Variants in PPP1R9A observed in about 807,000 individuals in gnomAD.
PPP1R9A encodes the protein neurabin-1.
Under a neutral mutation model 141.9 loss-of-function variants are expected in PPP1R9A, and 59 were observed. The ratio of observed to expected loss-of-function variants is 0.42; its 90% CI spans 0.34 to 0.52. The LOEUF is 0.52. Ranked by LOEUF, PPP1R9A falls within the 20% of genes least tolerant of loss-of-function variation. PPP1R9A has a pLI of 0.10. For synonymous variants in PPP1R9A, 500 were observed against 569.7 expected, an observed-to-expected ratio of 0.88 and a Z score of 1.74; for missense variants, 1,444 against 1,611.9, an observed-to-expected ratio of 0.90 and a Z score of 1.78.
chr7:95,067,137 G>C (rs1006445833), intron 2 of PPP1R9A, among the ~76,000 whole-genome samples: 1 of 152,224 alleles, frequency 6.6e-6, no homozygotes, highest in Non-Finnish European at 1.5e-5. Flanking sequence ...TATACATACA[G>C]TGTCTTAAAG....
chr7:95,296,250 G>T lies in PPP1R9A; in HGVS notation c.*5947G>T, dbSNP rs1236388584. ...GACATTCCTTACTCTTTGGTTTTCA[G>T]AGGCATTCAAGCAAAATATCACAGT... On this transcript the variant is annotated 3_prime_UTR_variant, in exon 20 of 20. Coordinates refer to ENST00000433360, the MANE Select transcript of PPP1R9A (RefSeq NM_001166160.2). 1 of 152,600 alleles carries T rather than the reference G, an allele frequency of 6.6e-6. No individual in the cohort carries two copies. Among genetic ancestry groups the T allele is most frequent in the Non-Finnish European group, 1.5e-5 (1 of 68,022 alleles). 9.5% of individuals were successfully genotyped at this position (152,600 alleles called of 1,614,324 possible).
intron 2 of PPP1R9A, among the ~76,000 whole-genome samples, chr7:95,072,858 TATATA>T (rs1335463566): frequency 3.4e-4 from 37 of 107,560 alleles, no homozygotes; most frequent in East Asian, 1.1e-3. Flanking sequence ...TAATATAAGT[TATATA>T]ATATAATATA....
chr7:95,018,307 A>G (rs145518641), intron 2 of PPP1R9A: 4 of 230,380 alleles, frequency 1.7e-5, no homozygotes, highest in Non-Finnish European at 4.0e-5. Context: ...TCTTGCCAAC[A>G]ATCATTAAAT....
At chr7:95,266,681 T>C (rs1311147012) in intron 12 of PPP1R9A, among the ~76,000 whole-genome samples, 1 of 152,022 alleles carries the variant, frequency 6.6e-6, no homozygotes, top group African/African-American at 2.4e-5. Context: ...TGAGATAGAG[T>C]ATGTGGCATG....
chr7:94,910,031 G>C lies in PPP1R9A; in HGVS notation c.-83G>C. ...AGGTACTTTTCTTGACCCAATACTG[G>C]TGATTAGAGAAGAGAGGTATCTTGG... On this transcript the variant is annotated 5_prime_UTR_variant, in exon 2 of 20. Transcript: ENST00000433360. This position sits in a 1 kb window ranked among gnomAD's most constrained non-coding sequence, Gnocchi z 4.5. The C allele has an allele frequency of 8.2e-7, 1 of 1,223,148 alleles. No homozygotes were observed. Among genetic ancestry groups the C allele is most frequent in the South Asian group, 1.5e-5 (1 of 67,540 alleles). The allele number at this position is 1,223,148 out of a possible 1,614,324, so 75.8% of individuals were successfully genotyped here. A position where few individuals can be genotyped will look rare whatever the true frequency, so the allele number is the denominator to read the frequency against.
chr7:95,220,682 A>G (rs1336655895), intron 7 of PPP1R9A, among the ~76,000 whole-genome samples: 1 of 152,132 alleles, frequency 6.6e-6, no homozygotes, highest in Non-Finnish European at 1.5e-5. Context: ...GCAGGGATAA[A>G]TTGTACCTGG....
intron 2 of PPP1R9A, among the ~76,000 whole-genome samples, chr7:94,944,092 T>C (rs1037793525): frequency 1.3e-5 from 2 of 152,190 alleles, no homozygotes; most frequent in Non-Finnish European, 2.9e-5. Flanking sequence ...ATACAATCCC[T>C]AGTGATCAAA....
chr7:95,226,643 T>G (rs959920323), intron 8 of PPP1R9A, among the ~76,000 whole-genome samples: 6 of 152,152 alleles, frequency 3.9e-5, no homozygotes, highest in Non-Finnish European at 8.8e-5. Context: ...CATCTGCAGC[T>G]TTATAAGATG....
At chr7:95,224,811 A>G (rs1425433599) in intron 7 of PPP1R9A, among the ~76,000 whole-genome samples, 1 of 152,082 alleles carries the variant, frequency 6.6e-6, no homozygotes, top group Non-Finnish European at 1.5e-5. Flanking sequence ...CTATTTACTC[A>G]AAGGAATAGA....
intron 9 of PPP1R9A, 106 bp downstream of exon 9, chr7:95,247,632 T>C (rs549945452): frequency 1.1e-6 from 1 of 937,920 alleles, no homozygotes; most frequent in Non-Finnish European, 1.6e-6. Flanking sequence ...TTTGAAAGAA[T>C]GCAAATGTGA....
chr7:94,950,887 A>G (rs1796393749), intron 2 of PPP1R9A, among the ~76,000 whole-genome samples: 1 of 152,034 alleles, frequency 6.6e-6, no homozygotes, highest in East Asian at 1.9e-4. Flanking sequence ...AGTTGGGGCC[A>G]CAGGCATGTG....
chr7:95,127,713 T>G (rs902018264), intron 4 of PPP1R9A, among the ~76,000 whole-genome samples: 1 of 152,130 alleles, frequency 6.6e-6, no homozygotes, highest in Non-Finnish European at 1.5e-5. Flanking sequence ...TGTTGCCATC[T>G]TTATGTCCAT....
chr7:95,185,219 G>A (rs1000223747), intron 5 of PPP1R9A, among the ~76,000 whole-genome samples: 1 of 151,534 alleles, frequency 6.6e-6, no homozygotes, highest in African/African-American at 2.4e-5. Flanking sequence ...TTTAATTATG[G>A]CCATTCTTTC....
intron 2 of PPP1R9A, among the ~76,000 whole-genome samples, chr7:95,046,143 A>G (rs1327541353): frequency 2.0e-5 from 3 of 151,312 alleles, no homozygotes; most frequent in Non-Finnish European, 4.4e-5. Context: ...CAATGGCACA[A>G]TCTCGGTTCC....
chr7:95,153,950 A>T (rs1253898305), intron 4 of PPP1R9A, among the ~76,000 whole-genome samples: 1 of 152,044 alleles, frequency 6.6e-6, no homozygotes, highest in Non-Finnish European at 1.5e-5. Flanking sequence ...ATAGTCTTTG[A>T]TGAACTTTTG....
chr7:95,061,044 T>G (rs1223322809), intron 2 of PPP1R9A, among the ~76,000 whole-genome samples: 1 of 152,186 alleles, frequency 6.6e-6, no homozygotes, highest in Non-Finnish European at 1.5e-5. Flanking sequence ...AGTACATAAA[T>G]AGAACATTAC....
chr7:94,992,790 TTAAA>T (rs1266202078), intron 2 of PPP1R9A, among the ~76,000 whole-genome samples: 4 of 152,196 alleles, frequency 2.6e-5, no homozygotes, highest in African/African-American at 4.8e-5. Context: ...AAAAATTTGC[TTAAA>T]TATTTTCTGA....
At chr7:95,073,585 T>G (rs185169078) in intron 2 of PPP1R9A, among the ~76,000 whole-genome samples, 48 of 151,536 alleles carry the variant, frequency 3.2e-4, no homozygotes, top group Middle Eastern at 3.4e-3. Context: ...TTTCTTTTGA[T>G]TTTGCACTGT....
At chr7:95,052,634 A>G (rs1024446715) in intron 2 of PPP1R9A, among the ~76,000 whole-genome samples, 14 of 152,182 alleles carry the variant, frequency 9.2e-5, no homozygotes, top group African/African-American at 3.1e-4. Flanking sequence ...ATGTCATACA[A>G]TTTTATAATG....
Sources: allele counts gnomAD v4.1 joint callset (sites outside exome capture counted in the v4.1 genomes callset), GRCh38; gene constraint gnomAD v4.1.1; non-coding constraint Gnocchi (gnomAD v3.1); transcripts MANE v1.5; gene names NCBI Gene and HGNC (gene_info 2026-07-23, HGNC 2026-07-21).